PCSK6: variants seen among roughly 807,000 people sequenced by gnomAD.
The protein encoded by PCSK6 is proprotein convertase subtilisin/kexin type 6.
A neutral mutation model predicts 123.3 loss-of-function variants in PCSK6; 85 were observed. That is an observed-to-expected ratio of 0.69 (90% CI 0.58 to 0.83). The LOEUF is 0.83. Among genes scored for constraint, PCSK6 ranks in the 40% least tolerant of loss-of-function variants. The pLI, the probability that PCSK6 is intolerant of heterozygous loss-of-function variation, is 0.00. For missense variants in PCSK6, 1,191 were observed against 1,282.3 expected, an observed-to-expected ratio of 0.93 and a Z score of 1.09; for synonymous variants, 508 against 516.0, an observed-to-expected ratio of 0.98 and a Z score of 0.21.
chr15:101,347,689 TG>T (rs1567155876), intron 13 of PCSK6: 6 of 1,604,866 alleles, frequency 3.7e-6, no homozygotes, highest in Non-Finnish European at 5.1e-6. Flanking sequence ...GTGGTGGCTT[TG>T]GTCATCTGTC....
intron 15 of PCSK6, among the ~76,000 whole-genome samples, chr15:101,329,108 G>A (rs1355127910): frequency 2.0e-5 from 3 of 152,180 alleles, no homozygotes; most frequent in Non-Finnish European, 4.4e-5. Flanking sequence ...TACAAGGGGG[G>A]CTCCGTTCAC....
chr15:101,458,519 G>C (rs571720979), intron 1 of PCSK6, among the ~76,000 whole-genome samples: 120 of 152,268 alleles, frequency 7.9e-4, no homozygotes, highest in African/African-American at 2.8e-3. Flanking sequence ...CAAGGCTCCT[G>C]ACTGTTGTTT....
At chr15:101,429,469 C>A (rs762408341) in intron 5 of PCSK6, among the ~76,000 whole-genome samples, 1 of 152,140 alleles carries the variant, frequency 6.6e-6, no homozygotes, top group East Asian at 1.9e-4. Flanking sequence ...GCCTCTAAGA[C>A]ACTAAGACAT....
At chr15:101,432,166 G>A (rs2056467460) in intron 2 of PCSK6, 66 bp from the exon 3 acceptor site, 2 of 1,316,852 alleles carry the variant, frequency 1.5e-6, no homozygotes, top group African/African-American at 2.9e-5. Context: ...TAGCCTCTTT[G>A]CAGGTGCTAC....
chr15:101,385,907 G>T (rs1384175619), intron 9 of PCSK6, among the ~76,000 whole-genome samples: 1 of 152,156 alleles, frequency 6.6e-6, no homozygotes. Context: ...TCCTTTTTTA[G>T]TCGGTTAAAT....
intron 6 of PCSK6, among the ~76,000 whole-genome samples, chr15:101,412,712 T>TATATATATATATATAA (rs376981204): frequency 0.06 from 8,053 of 134,948 alleles, 410 homozygotes; most frequent in Non-Finnish European, 0.092. Flanking sequence ...TATATATATA[T>TATATATATATATATAA]AAAATTACCC....
chr15:101,365,039 G>C (rs762497221), intron 13 of PCSK6: 2 of 775,574 alleles, frequency 2.6e-6, no homozygotes, highest in Non-Finnish European at 4.8e-6. Flanking sequence ...GGAGTCTCAA[G>C]ATCACCTAAT....
At chr15:101,488,949 C>T (rs983851449) in intron 1 of PCSK6, among the ~76,000 whole-genome samples, 38 of 149,884 alleles carry the variant, frequency 2.5e-4, no homozygotes, top group Non-Finnish European at 5.2e-4. Context: ...AGGGGCCGCT[C>T]CCCCGCGGGG....
intron 13 of PCSK6, among the ~76,000 whole-genome samples, chr15:101,359,634 T>C (rs146048926): frequency 6.6e-6 from 1 of 152,374 alleles, no homozygotes; most frequent in African/African-American, 2.4e-5. Flanking sequence ...CTGAGTGCCA[T>C]GCAGGCAGCA....
At chr15:101,336,112 T>C (rs1023266605) in intron 13 of PCSK6, among the ~76,000 whole-genome samples, 4 of 152,224 alleles carry the variant, frequency 2.6e-5, no homozygotes, top group Middle Eastern at 3.2e-3. Flanking sequence ...CTTGGTCACA[T>C]AGGGAGCAAC....
intron 13 of PCSK6, among the ~76,000 whole-genome samples, chr15:101,364,193 G>A (rs1241689100): frequency 6.6e-6 from 1 of 152,150 alleles, no homozygotes; most frequent in African/African-American, 2.4e-5. Context: ...GGGTGACCAA[G>A]AAGCAGACTG....
chr15:101,482,178 G>A (rs556844440), intron 1 of PCSK6, among the ~76,000 whole-genome samples: 81 of 152,384 alleles, frequency 5.3e-4, no homozygotes, highest in African/African-American at 1.5e-3. Context: ...TGAGTCAGAG[G>A]GTGTGGGGTC....
intron 1 of PCSK6, among the ~76,000 whole-genome samples, chr15:101,481,067 G>A (rs184815847): frequency 5.1e-4 from 78 of 152,300 alleles, no homozygotes; most frequent in Non-Finnish European, 5.0e-4. Flanking sequence ...ATGAACGCAC[G>A]TCTGCCGGCC....
intron 13 of PCSK6, among the ~76,000 whole-genome samples, chr15:101,341,559 G>C (rs1463528023): frequency 6.6e-6 from 1 of 152,084 alleles, no homozygotes; most frequent in African/African-American, 2.4e-5. Context: ...CCCATGCCCG[G>C]CCTAAAAATT....
chr15:101,473,075 G>GTTTTC (rs1223710762), intron 1 of PCSK6, among the ~76,000 whole-genome samples: 2 of 151,988 alleles, frequency 1.3e-5, no homozygotes, highest in African/African-American at 4.8e-5. Flanking sequence ...TTTTTGTTTT[G>GTTTTC]TTTTCTTTTC....
chr15:101,420,678 C>T (rs1251484685), intron 6 of PCSK6, among the ~76,000 whole-genome samples: 2 of 152,142 alleles, frequency 1.3e-5, no homozygotes, highest in Non-Finnish European at 2.9e-5. Context: ...AAACTTTAAA[C>T]AGATTTTTAT....
rs1003546559 is a variant in PCSK6 at position 101,304,959 on chromosome 15, T to C, written c.*299A>G. On this transcript the variant is annotated 3_prime_UTR_variant, in exon 22 of 22. Transcript: ENST00000611716. ...TGGTCTTGAAGATTCAGTAAACTTA[T>C]GGTCCCAGAAGCTGCTCCAAAGCCA... 2.0e-5 allele frequency: 7 copies of C among 351,766 alleles called. No homozygotes were observed. Among genetic ancestry groups the C allele is most frequent in the African/African-American group, 6.2e-5 (3 of 48,370 alleles). 21.8% of individuals were successfully genotyped at this position (351,766 alleles called of 1,614,324 possible).
intron 6 of PCSK6, among the ~76,000 whole-genome samples, chr15:101,424,261 G>C (rs2056180599): frequency 2.0e-5 from 3 of 149,848 alleles, no homozygotes; most frequent in Non-Finnish European, 1.5e-5. Flanking sequence ...GGAGCCATAG[G>C]AACAAATCAC....
chr15:101,468,680 TAAC>T (rs1271975008), intron 1 of PCSK6, among the ~76,000 whole-genome samples: 5 of 152,146 alleles, frequency 3.3e-5, no homozygotes, highest in Non-Finnish European at 5.9e-5. Context: ...TTGGTACTAA[TAAC>T]TGGGAGTGGC....
Sources: gnomAD v4.1 joint callset for allele counts (sites outside exome capture counted in the v4.1 genomes callset) on GRCh38, gnomAD v4.1.1 for gene constraint, MANE v1.5 for transcripts, NCBI Gene and HGNC (gene_info 2026-07-23, HGNC 2026-07-21) for gene names.